The following PSMD14 variants were observed in gnomAD, a reference collection of about 807,000 sequenced individuals.
PSMD14 encodes proteasome 26S subunit, non-ATPase 14.
Under a neutral mutation model 41.2 loss-of-function variants are expected in PSMD14, and 7 were observed. The ratio of observed to expected loss-of-function variants is 0.17; its 90% CI spans 0.10 to 0.32. PSMD14 has a LOEUF of 0.32. Ranked by LOEUF, PSMD14 falls within the 10% of genes least tolerant of loss-of-function variation. PSMD14 has a pLI of 1.00. For synonymous variants in PSMD14, 114 were observed against 122.3 expected, an observed-to-expected ratio of 0.93 and a Z score of 0.45; for missense variants, 139 against 375.6, an observed-to-expected ratio of 0.37 and a Z score of 5.21.
rs569049303 is a variant in PSMD14, at chr2:161,356,916, G to A, written c.49-10562G>A. ...ACTTTAGTTCATGTTTAATCAGCAG[G>A]TATTTTAATAACATAATAAAATTGG... is the stretch of plus-strand genomic sequence containing the variant. On this transcript the variant is annotated intron_variant, in intron 3 of 11. Transcript: ENST00000409682. Among the ~76,000 whole-genome samples the A allele has an allele frequency of 6.6e-5, 10 of 151,564 alleles. 1 individual carries two copies. The South Asian group carries it at 1.9e-3, about 28-fold the overall frequency.
At chr2:161,323,571 G>A (rs1432739116) in intron 3 of PSMD14, among the ~76,000 whole-genome samples, 2 of 152,054 alleles carry the variant, frequency 1.3e-5, no homozygotes, top group African/African-American at 4.8e-5. Context: ...GCTGAAGCAG[G>A]AGAATCACTT....
chr2:161,359,714 AG>A (rs1300913921), intron 3 of PSMD14, among the ~76,000 whole-genome samples: 1 of 152,166 alleles, frequency 6.6e-6, no homozygotes, highest in Non-Finnish European at 1.5e-5. Flanking sequence ...TTTCTTTAAT[AG>A]GAAATGGCTC....
intron 7 of PSMD14, among the ~76,000 whole-genome samples, chr2:161,379,009 G>A (rs980850053): frequency 1.3e-5 from 2 of 151,974 alleles, no homozygotes; most frequent in African/African-American, 4.8e-5. Context: ...TTTGAATGTG[G>A]TGTTACAGCA....
intron 3 of PSMD14, among the ~76,000 whole-genome samples, chr2:161,360,459 G>A (rs1024098856): frequency 6.6e-6 from 1 of 151,492 alleles, no homozygotes; most frequent in African/African-American, 2.4e-5. Flanking sequence ...GTGTTCAAGC[G>A]ATTCTCCTGC....
intron 7 of PSMD14, among the ~76,000 whole-genome samples, chr2:161,372,534 A>T (rs1008508859): frequency 6.6e-6 from 1 of 152,002 alleles, no homozygotes; most frequent in Non-Finnish European, 1.5e-5. Flanking sequence ...AGAGGCAAAA[A>T]CTATCCACAA....
chr2:161,402,920 A>G (rs1028525234), intron 10 of PSMD14, among the ~76,000 whole-genome samples: 14 of 152,210 alleles, frequency 9.2e-5, no homozygotes, highest in Admixed American at 2.0e-4. Context: ...AGTGTTGCCA[A>G]GGGTATGAAG....
At chr2:161,368,049 AT>A (rs1683382798) in intron 5 of PSMD14, 146 bp downstream of exon 5, 2 of 989,514 alleles carry the variant, frequency 2.0e-6, no homozygotes, top group Non-Finnish European at 2.9e-6. Flanking sequence ...TTTAGATTGT[AT>A]TGAATTAAAT....
chr2:161,368,675 A>G (rs1204914133), intron 5 of PSMD14, among the ~76,000 whole-genome samples: 2 of 152,086 alleles, frequency 1.3e-5, no homozygotes, highest in Non-Finnish European at 2.9e-5. Context: ...TTTCCAAGCG[A>G]TATTTCTTCT....
intron 7 of PSMD14, among the ~76,000 whole-genome samples, chr2:161,376,859 A>G (rs900558372): frequency 6.6e-6 from 1 of 152,002 alleles, no homozygotes; most frequent in African/African-American, 2.4e-5. Context: ...ATAAAATAAA[A>G]TCGAGGAATG....
chr2:161,375,457 A>C (rs1683490554), intron 7 of PSMD14, among the ~76,000 whole-genome samples: 2 of 152,064 alleles, frequency 1.3e-5, no homozygotes, highest in South Asian at 4.1e-4. Flanking sequence ...AATTAAAATT[A>C]GAACAAGGGA....
chr2:161,405,120 A>G (rs1480505375), intron 10 of PSMD14, among the ~76,000 whole-genome samples: 1 of 152,150 alleles, frequency 6.6e-6, no homozygotes, highest in African/African-American at 2.4e-5. Flanking sequence ...GTTATAACTG[A>G]CACTCATTTT....
At chr2:161,341,817 G>A (rs1178943667) in intron 3 of PSMD14, among the ~76,000 whole-genome samples, 1 of 133,718 alleles carries the variant, frequency 7.5e-6, no homozygotes, top group Non-Finnish European at 1.6e-5. Context: ...CAGCCTGGGA[G>A]ACAGAACAAG....
At chr2:161,365,711 G>A (rs1683348970) in intron 3 of PSMD14, among the ~76,000 whole-genome samples, 1 of 151,956 alleles carries the variant, frequency 6.6e-6, no homozygotes, top group African/African-American at 2.4e-5. Context: ...TTGGTGGGGG[G>A]TGATGTTTTG....
At chr2:161,350,882 C>G (rs1476893193) in intron 3 of PSMD14, among the ~76,000 whole-genome samples, 3 of 152,144 alleles carry the variant, frequency 2.0e-5, no homozygotes, top group Non-Finnish European at 2.9e-5. Context: ...CCATTTCCCC[C>G]AAGTGTAATT....
rs1330059094 is a variant in PSMD14, at chr2:161,389,886, G to GTTGTTGTTTTTTT, written c.571-1213_571-1212insGTTTTTTTTTGTT. ...TTGTGTCTTATTTTCTTTCTTTTTTGTTGTTTTTTTTTTTTTTTTTTTTTT... is the reference window on the plus strand; with the variant it reads ...TTGTGTCTTATTTTCTTTCTTTTTTGTTGTTGTTTTTTTTTGTTTTTTTTTTTTTTTTTTTTTT... On this transcript the variant is annotated intron_variant, in intron 8 of 11. Transcript: ENST00000409682. Among the ~76,000 whole-genome samples, 16 of 14,926 alleles carry GTTGTTGTTTTTTT rather than the reference G, an allele frequency of 1.1e-3. 2 individuals are homozygous for GTTGTTGTTTTTTT. Among genetic ancestry groups the GTTGTTGTTTTTTT allele is most frequent in the South Asian group, 2.1e-3 (1 of 478 alleles). The allele number at this position is 14,926 out of a possible 152,430, so 9.8% of individuals were successfully genotyped here.
intron 10 of PSMD14, among the ~76,000 whole-genome samples, chr2:161,399,779 T>C (rs1375506111): frequency 6.6e-6 from 1 of 152,178 alleles, no homozygotes; most frequent in Non-Finnish European, 1.5e-5. Flanking sequence ...GGGAAAGTAA[T>C]TGATACATTT....
chr2:161,330,647 T>C (rs1274525829), intron 3 of PSMD14, among the ~76,000 whole-genome samples: 1 of 152,136 alleles, frequency 6.6e-6, no homozygotes, highest in Non-Finnish European at 1.5e-5. Context: ...TGTGGGATGT[T>C]GTCTGGGTTG....
intron 3 of PSMD14, among the ~76,000 whole-genome samples, chr2:161,362,051 A>C (rs905375710): frequency 6.6e-6 from 1 of 151,904 alleles, no homozygotes; most frequent in Non-Finnish European, 1.5e-5. Context: ...TAATGTGTAC[A>C]TTGCTTTTTA....
intron 3 of PSMD14, among the ~76,000 whole-genome samples, chr2:161,342,082 C>A (rs1281471278): frequency 1.3e-5 from 2 of 151,964 alleles, no homozygotes; most frequent in Non-Finnish European, 2.9e-5. Context: ...ATATGTTTTG[C>A]ATGTGGATAT....
Sources: allele counts gnomAD v4.1 joint callset (sites outside exome capture counted in the v4.1 genomes callset), GRCh38; gene constraint gnomAD v4.1.1; transcripts MANE v1.5; gene names NCBI Gene and HGNC (gene_info 2026-07-23, HGNC 2026-07-21).